NOL4L: variants seen among roughly 807,000 people sequenced by gnomAD.
NOL4L encodes nucleolar protein 4-like.
A neutral mutation model predicts 64.5 loss-of-function variants in NOL4L; 7 were observed. The ratio of observed to expected loss-of-function variants is 0.11; its 90% CI spans 0.06 to 0.20. The LOEUF (loss-of-function observed/expected upper bound fraction) is 0.20, where lower values mean the gene tolerates loss of function less well. NOL4L is among the 10% of genes least tolerant of loss of function. The probability of loss-of-function intolerance (pLI) is 1.00; values close to 1 mark genes in which losing one functional copy is unlikely to be tolerated. For synonymous variants in NOL4L, 413 were observed against 401.0 expected (o/e 1.03, Z -0.36); for missense variants, 680 against 967.1 (o/e 0.70, Z 3.94).
rs1318157096 is a variant in NOL4L, at chr20:32,584,586, G to T, written c.305C>A (p.Pro102Gln). The T allele has an allele frequency of 7.5e-7, 1 of 1,328,384 alleles. No individual in the cohort carries two copies. 82.3% of individuals were successfully genotyped at this position (1,328,384 alleles called of 1,614,324 possible). A position where few individuals can be genotyped will look rare whatever the true frequency, so the allele number is the denominator to read the frequency against. The change falls in exon 1 of 11, where the codon CCG (proline) becomes CAG (glutamine). Residue 102 changes from proline (P) to glutamine (Q), a missense_variant. Pro to Gln is a moderately conservative substitution (Grantham distance 76). Coordinates refer to ENST00000621426, the MANE Select transcript of NOL4L (RefSeq NM_001256798.2). ...CGCACTCACCGAGCCCGTCTTGACCGGCACATACACCACTTGGCCCATCTT... is the reference window on the plus strand; with the variant it reads ...CGCACTCACCGAGCCCGTCTTGACCTGCACATACACCACTTGGCCCATCTT... Reference protein sequence around the residue: ...EPKMGQVVYVPVKTGSGADGL... With the variant: ...EPKMGQVVYVQVKTGSGADGL...
At chr20:32,527,627 C>T in intron 2 of NOL4L, 131 bp downstream of exon 2, 1 of 1,116,536 alleles carries the variant, frequency 9.0e-7, no homozygotes. Flanking sequence ...CTGTGCCCCC[C>T]TAGATCCCCA....
At chr20:32,511,301 AAG>A (rs1336812194) in intron 4 of NOL4L, 44 bp downstream of exon 4, 2 of 1,241,388 alleles carry the variant, frequency 1.6e-6, no homozygotes, top group African/African-American at 3.0e-5. Flanking sequence ...ACCGCCAGGC[AAG>A]TCAGGACGCC....
intron 5 of NOL4L, chr20:32,465,136 T>G: frequency 2.0e-6 from 1 of 499,280 alleles, no homozygotes; most frequent in South Asian, 3.1e-5. Flanking sequence ...AGACACCACC[T>G]TCAGTGGAGG....
intron 1 of NOL4L, among the ~76,000 whole-genome samples, chr20:32,570,280 G>A (rs1979676711): frequency 6.6e-6 from 1 of 152,106 alleles, no homozygotes; most frequent in South Asian, 2.1e-4. Context: ...TCCTCCTGAG[G>A]GCAGGGATCC....
intron 4 of NOL4L, chr20:32,483,481 G>A (rs1005013923): frequency 5.5e-5 from 54 of 990,476 alleles, no homozygotes; most frequent in Middle Eastern, 5.1e-4. Flanking sequence ...GCTGCCCGGG[G>A]AGAGGGGCTG....
intron 4 of NOL4L, among the ~76,000 whole-genome samples, chr20:32,496,913 G>A (rs974559362): frequency 1.3e-5 from 2 of 152,062 alleles, no homozygotes; most frequent in African/African-American, 4.8e-5. Context: ...CTGGTCGGCC[G>A]TGAGCAGCAG....
rs753613665 is a variant in NOL4L at position 32,457,662 on chromosome 20, C to A, written c.842-1267G>T. On this transcript the variant is annotated intron_variant, in intron 5 of 10. Coordinates refer to ENST00000621426, the MANE Select transcript of NOL4L (RefSeq NM_001256798.2). ...GGCAGAGGGGGATGGGAGGCCACGGCGGCGCAGTGCACCCCTCCCCCTCGG... is the reference window on the plus strand; with the variant it reads ...GGCAGAGGGGGATGGGAGGCCACGGAGGCGCAGTGCACCCCTCCCCCTCGG... Among the ~76,000 whole-genome samples the A allele has an allele frequency of 2.0e-5, 3 of 152,290 alleles. No homozygotes were observed. In the South Asian group the frequency reaches 6.2e-4, roughly 32 times the overall value.
rs950654597 is a variant in NOL4L at position 32,460,801 on chromosome 20, G to A, written c.842-4406C>T. 2.0e-5 allele frequency among the ~76,000 whole-genome samples: 3 copies of A among 152,168 alleles called. No individual in the cohort carries two copies. The highest frequency in any genetic ancestry group is 2.1e-4 in the South Asian group (1 of 4,826). ...GGGGATGGGGGCAACTGCCACCCTC[G>A]GAGCTCATGCTCCAGCAGCGACAAA... On this transcript the variant is annotated intron_variant, in intron 5 of 10. Transcript: ENST00000621426. The surrounding 1 kb of genome is among the most constrained non-coding windows in gnomAD (Gnocchi z 5.7).
At chr20:32,524,317 C>T (rs1188288616) in intron 2 of NOL4L, among the ~76,000 whole-genome samples, 4 of 152,060 alleles carry the variant, frequency 2.6e-5, no homozygotes, top group Admixed American at 1.3e-4. Context: ...ACTTCCTACT[C>T]GAAATGGGAA....
rs756855493 is a variant in NOL4L at position 32,456,181 on chromosome 20, C to G, written c.1056G>C (p.Ser352=). 4.4e-6 allele frequency: 7 copies of G among 1,599,026 alleles called. No individual in the cohort carries two copies. The highest frequency in any genetic ancestry group is 6.0e-6 in the Non-Finnish European group (7 of 1,172,464). Residue 352 remains serine, a synonymous_variant, in exon 6 of 11, where the codon TCG becomes TCC. Coordinates refer to ENST00000621426, the MANE Select transcript of NOL4L (RefSeq NM_001256798.2). ...GCAGCCCGTCGGCACCGCAGCCATC[C>G]GAGGGGTAGGAGGCTGTGCCAAGTG... ...ATALGTASYP[S]DGCGADGLRS...
intron 1 of NOL4L, among the ~76,000 whole-genome samples, chr20:32,551,140 C>T (rs1041897254): frequency 6.6e-6 from 1 of 151,890 alleles, no homozygotes; most frequent in African/African-American, 2.4e-5. Context: ...CTTTGGGAGG[C>T]CAAGGTAGGT....
chr20:32,522,129 G>A (rs2017966199), intron 2 of NOL4L, among the ~76,000 whole-genome samples: 1 of 152,256 alleles, frequency 6.6e-6, no homozygotes, highest in Admixed American at 6.5e-5. Flanking sequence ...CAGAAGGCTT[G>A]GGGTGTCCCA....
intron 1 of NOL4L, among the ~76,000 whole-genome samples, chr20:32,579,165 G>GCAGCTGCCAAGGCCCA (rs1163086892): frequency 3.0e-4 from 46 of 152,178 alleles, no homozygotes; most frequent in Admixed American, 9.8e-4. Context: ...AGTCACACCC[G>GCAGCTGCCAAGGCCCA]CAGCTGCCAA....
At chr20:32,558,585 C>G (rs1256170632) in intron 1 of NOL4L, among the ~76,000 whole-genome samples, 1 of 152,170 alleles carries the variant, frequency 6.6e-6, no homozygotes, top group African/African-American at 2.4e-5. Context: ...GGTACACGGC[C>G]GCCCCACCAC....
rs1299259083 is a variant in NOL4L, at chr20:32,453,115, C to T, written c.1498-109G>A. The T allele has an allele frequency of 1.4e-5, 21 of 1,498,542 alleles. No individual in the cohort carries two copies. The highest frequency in any genetic ancestry group is 3.6e-5 in the Admixed American group (2 of 54,960). 92.8% of individuals were successfully genotyped at this position (1,498,542 alleles called of 1,614,324 possible). ...GCACAGGGTGGGGTTTGGGCTCCAG[C>T]GCCTCAGTCTATGGAGCTGTGTGAT... is the stretch of plus-strand genomic sequence containing the variant. On this transcript the variant is annotated intron_variant, in intron 8 of 10. Transcript: ENST00000621426. The surrounding 1 kb of genome is among the most constrained non-coding windows in gnomAD (Gnocchi z 5.6).
At position 32,446,877 on chromosome 20, in the gene NOL4L, G is replaced by T; in HGVS notation, c.*719C>A. On this transcript the variant is annotated 3_prime_UTR_variant, in exon 11 of 11. Coordinates refer to ENST00000621426, the MANE Select transcript of NOL4L (RefSeq NM_001256798.2). The stretch of plus-strand genomic sequence containing the variant: ...GCCTCTTTTGTTTTGCTTTGCCATG[G>T]GTGTGGGTGAGGTCCTCCTGCTTGG... The T allele has an allele frequency of 4.2e-6, 1 of 235,816 alleles. No individual in the cohort carries two copies. Among genetic ancestry groups the T allele is most frequent in the Non-Finnish European group, 8.4e-6 (1 of 118,608 alleles). The allele number at this position is 235,816 out of a possible 1,614,324, so 14.6% of individuals were successfully genotyped here. A position where few individuals can be genotyped will look rare whatever the true frequency, so the allele number is the denominator to read the frequency against.
At chr20:32,467,547 G>C (rs973932875) in intron 5 of NOL4L, among the ~76,000 whole-genome samples, 4 of 152,186 alleles carry the variant, frequency 2.6e-5, no homozygotes, top group Non-Finnish European at 5.9e-5. Context: ...CATGGCAGAG[G>C]GGACCAAGGG....
In NOL4L at chr20:32,542,564, C is replaced by T. The variant is rs560006077; in HGVS notation, c.322-14651G>A. ...AGACAGAGTCTCATTGTGTTGCCCA[C>T]GCTGGTCTCGAACTACTGGGCTCAA... On this transcript the variant is annotated intron_variant, in intron 1 of 10. Transcript: ENST00000621426. Among the ~76,000 whole-genome samples, 259 of 152,176 alleles carry T rather than the reference C, an allele frequency of 1.7e-3. 1 individual carries two copies. Among genetic ancestry groups the T allele is most frequent in the Non-Finnish European group, 2.5e-3 (167 of 67,994 alleles).
At chr20:32,544,159 T>C (rs2018700360) in intron 1 of NOL4L, among the ~76,000 whole-genome samples, 1 of 151,736 alleles carries the variant, frequency 6.6e-6, no homozygotes. Flanking sequence ...TGACTGCTCG[T>C]GGAAAATGGG....
Sources: gnomAD v4.1 joint callset for allele counts (sites outside exome capture counted in the v4.1 genomes callset) on GRCh38, gnomAD v4.1.1 for gene constraint, Gnocchi (gnomAD v3.1) non-coding constraint, MANE v1.5 for transcripts, NCBI Gene and HGNC (gene_info 2026-07-23, HGNC 2026-07-21) for gene names.